Variants in REV1 observed in about 807,000 individuals in gnomAD.
REV1 encodes REV1 DNA directed polymerase, also known as translesion synthesis protein REV1.
A neutral mutation model predicts 137.4 loss-of-function variants in REV1; 42 were observed. That is an observed-to-expected ratio of 0.31 (90% CI 0.24 to 0.40). The LOEUF is 0.40. Ranked by LOEUF, REV1 falls within the 10% of genes least tolerant of loss-of-function variation. The pLI is 1.00. For synonymous variants in REV1, 524 were observed against 519.2 expected (o/e 1.01, Z -0.12); for missense variants, 1,282 against 1,490.1 (o/e 0.86, Z 2.30).
At chr2:99,415,944 G>A (rs759581602) in intron 12 of REV1, among the ~76,000 whole-genome samples, 18 of 152,230 alleles carry the variant, frequency 1.2e-4, no homozygotes, top group Non-Finnish European at 2.5e-4. Flanking sequence ...TTAGGTAACC[G>A]GATCATATTA....
intron 3 of REV1, among the ~76,000 whole-genome samples, chr2:99,456,727 T>A (rs1249559812): frequency 1.3e-5 from 2 of 152,240 alleles, no homozygotes; most frequent in Non-Finnish European, 2.9e-5. Context: ...TCTCTCTATA[T>A]AAAATACTAC....
At chr2:99,449,758 A>C (rs1682700974) in intron 3 of REV1, among the ~76,000 whole-genome samples, 1 of 152,052 alleles carries the variant, frequency 6.6e-6, no homozygotes, top group African/African-American at 2.4e-5. Context: ...CAGAGCAAAT[A>C]GGGACCTCAA....
intron 1 of REV1, among the ~76,000 whole-genome samples, chr2:99,472,550 G>GT (rs544855103): frequency 1.3e-5 from 2 of 152,288 alleles, no homozygotes; most frequent in African/African-American, 4.8e-5. Context: ...GAAGAAAAGA[G>GT]TTTTTTAAAA....
intron 8 of REV1, among the ~76,000 whole-genome samples, chr2:99,430,544 G>A (rs1412281786): frequency 1.3e-5 from 2 of 152,054 alleles, no homozygotes; most frequent in African/African-American, 2.4e-5. Flanking sequence ...ATTATCCCCC[G>A]CTACAGGTAA....
At chr2:99,452,923 T>G (rs10172752) in intron 3 of REV1, among the ~76,000 whole-genome samples, 92,676 of 152,176 alleles carry the variant, frequency 0.61, 28,945 homozygotes, top group African/African-American at 0.72. Flanking sequence ...TGCTAGTTAC[T>G]TGGATTTCAG....
intron 5 of REV1, among the ~76,000 whole-genome samples, chr2:99,440,338 G>A (rs939444466): frequency 5.3e-5 from 8 of 152,200 alleles, no homozygotes; most frequent in African/African-American, 2.4e-5. Flanking sequence ...TCCAGATGAA[G>A]GGCTGCCCTA....
At chr2:99,478,469 A>C (rs1686229942) in intron 1 of REV1, among the ~76,000 whole-genome samples, 1 of 152,202 alleles carries the variant, frequency 6.6e-6, no homozygotes, top group Non-Finnish European at 1.5e-5. Context: ...TCTAGAGATG[A>C]CATGATAAAA....
At position 99,475,102 on chromosome 2, in the gene REV1, G is replaced by A. The variant is rs950835875; in HGVS notation, c.-10-10117C>T. 3.3e-5 allele frequency among the ~76,000 whole-genome samples: 5 copies of A among 152,166 alleles called. No individual in the cohort carries two copies. In the East Asian group the frequency reaches 7.7e-4, roughly 23 times the overall value. On this transcript the variant is annotated intron_variant, in intron 1 of 22. Coordinates refer to ENST00000258428, the MANE Select transcript of REV1 (RefSeq NM_016316.4). ...AACATAAATTTAATTTATTTAGTAAGGCCATTTTTATTTCCTGCAGAAAAG... is the reference window on the plus strand; with the variant it reads ...AACATAAATTTAATTTATTTAGTAAAGCCATTTTTATTTCCTGCAGAAAAG...
intron 1 of REV1, among the ~76,000 whole-genome samples, chr2:99,469,524 A>G (rs1559403003): frequency 6.6e-6 from 1 of 152,086 alleles, no homozygotes; most frequent in African/African-American, 2.4e-5. Flanking sequence ...AGTAACAACT[A>G]GCCAGGTGAG....
rs36096966 is a variant in REV1 at position 99,409,853 on chromosome 2, A to ACCCC, written c.2345+838_2345+841dup. ...GCCAGACTCTGTCTCAAAACAAACA[A>ACCCC]CCCCCCCCCCCCCCAAAAAAAACAG... On this transcript the variant is annotated intron_variant, in intron 14 of 22. Transcript: ENST00000258428. Among the ~76,000 whole-genome samples the ACCCC allele has an allele frequency of 2.5e-4, 20 of 78,542 alleles. 1 individual carries two copies. The highest frequency in any genetic ancestry group is 3.5e-4 in the Non-Finnish European group (14 of 39,790). The allele number at this position is 78,542 out of a possible 152,430, so 51.5% of individuals were successfully genotyped here. A position where few individuals can be genotyped will look rare whatever the true frequency, so the allele number is the denominator to read the frequency against.
intron 12 of REV1, among the ~76,000 whole-genome samples, chr2:99,417,985 G>C (rs996415774): frequency 2.6e-5 from 4 of 152,040 alleles, no homozygotes; most frequent in Non-Finnish European, 5.9e-5. Context: ...CTAATACATC[G>C]TTTTAAGTTA....
chr2:99,407,245 A>G (rs558777885), intron 15 of REV1, among the ~76,000 whole-genome samples: 2 of 150,740 alleles, frequency 1.3e-5, no homozygotes, highest in South Asian at 4.2e-4. Flanking sequence ...ATGCACCACC[A>G]CACCCGGCTA....
chr2:99,465,388 C>T (rs941251816), intron 1 of REV1, among the ~76,000 whole-genome samples: 1 of 152,194 alleles, frequency 6.6e-6, no homozygotes, highest in African/African-American at 2.4e-5. Flanking sequence ...GGCTTTTAAA[C>T]TCTGTCTTTG....
chr2:99,448,199 A>G (rs1682468742), intron 4 of REV1, among the ~76,000 whole-genome samples: 1 of 152,194 alleles, frequency 6.6e-6, no homozygotes, highest in South Asian at 2.1e-4. Flanking sequence ...AGGGTGTTAT[A>G]ATTAGTAAAA....
intron 1 of REV1, among the ~76,000 whole-genome samples, 157 bp from the exon 2 acceptor site, chr2:99,465,142 C>T (rs1046937565): frequency 6.6e-6 from 1 of 152,144 alleles, no homozygotes; most frequent in African/African-American, 2.4e-5. Flanking sequence ...GTTCTCCATT[C>T]TCCAGCTTTA....
intron 9 of REV1, among the ~76,000 whole-genome samples, chr2:99,427,781 T>C (rs1575065598): frequency 6.6e-6 from 1 of 152,196 alleles, no homozygotes; most frequent in South Asian, 2.1e-4. Flanking sequence ...ATTTTTTTTT[T>C]CTTCAAGTTA....
chr2:99,461,318 G>C (rs920699970), intron 3 of REV1, among the ~76,000 whole-genome samples: 2 of 152,188 alleles, frequency 1.3e-5, no homozygotes, highest in African/African-American at 4.8e-5. Flanking sequence ...ATTGTGTCCA[G>C]TCACTGTAGA....
rs758334789 is a variant in REV1 at position 99,434,418 on chromosome 2, C to T, written c.1352G>A (p.Gly451Asp). Residue 451 changes from glycine to aspartate, a missense_variant, in exon 8 of 23, where the codon GGC (glycine) becomes GAC (aspartate). Transcript: ENST00000258428. ...AGGACGTAAAGGTGCCCTTCCTGTG[C>T]CTCTGTTACTTGTAACAGCCACTGG... ...GKPVAVTSNR[G>D]TGRAPLRPGA... 1.9e-6 allele frequency: 3 copies of T among 1,603,242 alleles called. No individual in the cohort carries two copies. The highest frequency in any genetic ancestry group is 2.6e-6 in the Non-Finnish European group (3 of 1,174,986).
intron 5 of REV1, among the ~76,000 whole-genome samples, chr2:99,439,928 T>C (rs1449431301): frequency 1.3e-5 from 2 of 152,192 alleles, no homozygotes; most frequent in South Asian, 2.1e-4. Context: ...ACTGACTATA[T>C]TGATTAACCT....
Sources: gnomAD v4.1 joint callset for allele counts (sites outside exome capture counted in the v4.1 genomes callset) on GRCh38, gnomAD v4.1.1 for gene constraint, MANE v1.5 for transcripts, NCBI Gene and HGNC (gene_info 2026-07-23, HGNC 2026-07-21) for gene names.